The following NRG3 variants were observed in gnomAD, a reference collection of about 807,000 sequenced individuals.
The protein encoded by NRG3 is pro-neuregulin-3, membrane-bound isoform.
In NRG3, 31 loss-of-function variants were observed where a neutral mutation model predicts 66.9. That is an observed-to-expected ratio of 0.46 (90% CI 0.35 to 0.63). The LOEUF (loss-of-function observed/expected upper bound fraction) is 0.63, where lower values mean the gene tolerates loss of function less well. Among genes scored for constraint, NRG3 ranks in the 20% least tolerant of loss-of-function variants. The pLI is 0.00. For missense variants in NRG3, 910 were observed against 878.9 expected (o/e 1.04, Z -0.45); for synonymous variants, 393 against 359.4 (o/e 1.09, Z -1.06).
At chr10:82,479,332 A>G (rs1488411090) in intron 2 of NRG3, among the ~76,000 whole-genome samples, 1 of 152,166 alleles carries the variant, frequency 6.6e-6, no homozygotes, top group African/African-American at 2.4e-5. Flanking sequence ...ACACACAGAC[A>G]TACACATCAC....
At chr10:82,610,717 C>T (rs2048260132) in intron 2 of NRG3, among the ~76,000 whole-genome samples, 2 of 152,112 alleles carry the variant, frequency 1.3e-5, no homozygotes, top group African/African-American at 4.8e-5. Context: ...TTGTATTCTT[C>T]TTACTTTCTT....
chr10:82,071,572 C>G (rs2064808147), intron 1 of NRG3, among the ~76,000 whole-genome samples: 1 of 152,120 alleles, frequency 6.6e-6, no homozygotes, highest in Non-Finnish European at 1.5e-5. Context: ...CAAAGAGAAC[C>G]AATGGCAGAA....
intron 2 of NRG3, among the ~76,000 whole-genome samples, chr10:82,727,268 C>T (rs1340386781): frequency 6.6e-6 from 1 of 152,158 alleles, no homozygotes; most frequent in Non-Finnish European, 1.5e-5. Flanking sequence ...GAAAATGTCT[C>T]CAAGGTATGT....
At chr10:82,732,774 A>C (rs2057975949) in intron 2 of NRG3, among the ~76,000 whole-genome samples, 1 of 152,238 alleles carries the variant, frequency 6.6e-6, no homozygotes, top group South Asian at 2.1e-4. Context: ...CAGGCTTCAA[A>C]ACCAGGCAGA....
At chr10:82,704,668 G>A (rs927851322) in intron 2 of NRG3, among the ~76,000 whole-genome samples, 7 of 152,104 alleles carry the variant, frequency 4.6e-5, no homozygotes, top group African/African-American at 1.7e-4. Flanking sequence ...TTCATATCAA[G>A]TAAAAATGTT....
At chr10:82,639,656 C>A (rs749299732) in intron 2 of NRG3, among the ~76,000 whole-genome samples, 2 of 152,158 alleles carry the variant, frequency 1.3e-5, no homozygotes, top group Non-Finnish European at 2.9e-5. Flanking sequence ...CCATTAAAAA[C>A]CAGAGAAGCT....
chr10:82,100,838 A>G (rs2066686449), intron 1 of NRG3, among the ~76,000 whole-genome samples: 1 of 148,226 alleles, frequency 6.7e-6, no homozygotes, highest in Non-Finnish European at 1.5e-5. Flanking sequence ...TTTTACTAAA[A>G]TGCCTTTGTC....
rs1400199065 is a variant in NRG3, at chr10:82,159,279, G to A, written c.824-199460G>A. Among the ~76,000 whole-genome samples the A allele has an allele frequency of 3.3e-5, 5 of 151,930 alleles. No individual in the cohort carries two copies. The East Asian group carries it at 7.7e-4, about 24-fold the overall frequency. ...TCAGGAAATTAGCCTGGCATTTAAA[G>A]CCATTCATCATCCAACCTCCTGACC... On this transcript the variant is annotated intron_variant, in intron 1 of 8. Coordinates refer to ENST00000372141, the MANE Select transcript of NRG3 (RefSeq NM_001010848.4).
At chr10:82,041,030 C>A (rs912439123) in intron 1 of NRG3, among the ~76,000 whole-genome samples, 1 of 152,004 alleles carries the variant, frequency 6.6e-6, no homozygotes, top group East Asian at 1.9e-4. Context: ...TAGGAAGGAC[C>A]AAATGCCATG....
chr10:81,895,930 G>A (rs527605436), intron 1 of NRG3, among the ~76,000 whole-genome samples: 17 of 152,162 alleles, frequency 1.1e-4, no homozygotes, highest in African/African-American at 3.1e-4. Context: ...TGGGAACTGG[G>A]GGCACATTGA....
At chr10:82,586,630 G>A (rs940375067) in intron 2 of NRG3, among the ~76,000 whole-genome samples, 1 of 151,948 alleles carries the variant, frequency 6.6e-6, no homozygotes, top group Admixed American at 6.6e-5. Context: ...AACAGTACTT[G>A]GTGTTTTAAG....
At position 82,659,361 on chromosome 10, in the gene NRG3, C is replaced by CA. The variant is rs148464330; in HGVS notation, c.954-79215dup. Among the ~76,000 whole-genome samples, 1,127 of 152,218 alleles carry CA rather than the reference C, an allele frequency of 7.4e-3. 9 individuals carry two copies. Among genetic ancestry groups the CA allele is most frequent in the African/African-American group, 0.026 (1,078 of 41,516 alleles). ...CAATTTTTTTTTAAACTTTTACACA[C>CA]ATTAAAATATTCTAGGCTGGGCATG... is the stretch of plus-strand genomic sequence containing the variant. On this transcript the variant is annotated intron_variant, in intron 2 of 8. Transcript: ENST00000372141.
chr10:82,485,251 A>T (rs1336648891), intron 2 of NRG3, among the ~76,000 whole-genome samples: 1 of 152,076 alleles, frequency 6.6e-6, no homozygotes, highest in Admixed American at 6.6e-5. Flanking sequence ...CCCTGACTGA[A>T]TTCAAAGATG....
At chr10:82,867,662 T>C (rs1840886790) in intron 4 of NRG3, among the ~76,000 whole-genome samples, 1 of 152,144 alleles carries the variant, frequency 6.6e-6, no homozygotes, top group East Asian at 1.9e-4. Context: ...TCAGCTAAAA[T>C]AGGAGAACAA....
intron 2 of NRG3, among the ~76,000 whole-genome samples, chr10:82,612,420 G>A (rs1190944374): frequency 6.6e-6 from 1 of 151,934 alleles, no homozygotes; most frequent in Non-Finnish European, 1.5e-5. Context: ...AAATCAATGT[G>A]ATGTTAAATT....
chr10:82,590,235 A>T (rs2046903280), intron 2 of NRG3, among the ~76,000 whole-genome samples: 1 of 152,214 alleles, frequency 6.6e-6, no homozygotes, highest in Non-Finnish European at 1.5e-5. Flanking sequence ...GCAAAACTTA[A>T]CGGTAATGAT....
intron 1 of NRG3, among the ~76,000 whole-genome samples, chr10:82,197,941 T>C (rs1410359673): frequency 6.6e-6 from 1 of 152,138 alleles, no homozygotes; most frequent in African/African-American, 2.4e-5. Flanking sequence ...GTCGACATCT[T>C]ATATTATTAT....
At chr10:82,456,790 C>A (rs2091287904) in intron 2 of NRG3, among the ~76,000 whole-genome samples, 1 of 152,090 alleles carries the variant, frequency 6.6e-6, no homozygotes, top group Non-Finnish European at 1.5e-5. Context: ...CTGCAGCAAG[C>A]CTCATTGTCT....
intron 2 of NRG3, among the ~76,000 whole-genome samples, chr10:82,600,539 C>T (rs1465048503): frequency 6.6e-6 from 1 of 152,152 alleles, no homozygotes; most frequent in Non-Finnish European, 1.5e-5. Context: ...GGTGCGATCT[C>T]AGCGCATTGC....
Sources: gnomAD v4.1 joint callset for allele counts (sites outside exome capture counted in the v4.1 genomes callset) on GRCh38, gnomAD v4.1.1 for gene constraint, MANE v1.5 for transcripts, NCBI Gene and HGNC (gene_info 2026-07-23, HGNC 2026-07-21) for gene names.